Variants in ISM1 observed in about 807,000 individuals in gnomAD.
ISM1 encodes isthmin-1.
A neutral mutation model predicts 46.3 loss-of-function variants in ISM1; 25 were observed. That is an observed-to-expected ratio of 0.54 (90% CI 0.39 to 0.75). ISM1 has a LOEUF of 0.75. Among genes scored for constraint, ISM1 ranks in the 30% least tolerant of loss-of-function variants. The pLI is 0.00. For missense variants in ISM1, 536 were observed against 625.4 expected (o/e 0.86, Z 1.52); for synonymous variants, 255 against 256.7 (o/e 0.99, Z 0.06).
chr20:13,230,657 G>A (rs1427497348), intron 1 of ISM1, among the ~76,000 whole-genome samples: 1 of 151,656 alleles, frequency 6.6e-6, no homozygotes, highest in African/African-American at 2.4e-5. Context: ...CCAAAGACAG[G>A]AGATAATTTA....
rs2040208682 is a variant in ISM1, at chr20:13,278,875, C to T, written c.379-759C>T. 3.3e-5 allele frequency among the ~76,000 whole-genome samples: 5 copies of T among 152,200 alleles called. No individual in the cohort carries two copies. The South Asian group carries it at 1.0e-3, about 32-fold the overall frequency. On this transcript the variant is annotated intron_variant, in intron 2 of 5. Transcript: ENST00000262487. ...TGAGGGACCTTGGTTCTCCTCCATG[C>T]AGCCTCTCTCTTTACATGGTCTCTA...
chr20:13,305,664 A>G, the ISM1 span, among the ~76,000 whole-genome samples: 2 of 152,204 alleles, frequency 1.3e-5, no homozygotes. Flanking sequence ...ATTAAGGCAG[A>G]AAGTTTACAG....
the ISM1 span, among the ~76,000 whole-genome samples, chr20:13,313,050 A>AT: frequency 6.6e-6 from 1 of 152,048 alleles, no homozygotes; most frequent in Non-Finnish European, 1.5e-5. Flanking sequence ...GCTAAAAGGC[A>AT]TTTTTTCCTG....
the ISM1 span, among the ~76,000 whole-genome samples, chr20:13,309,534 A>G: frequency 1.3e-5 from 2 of 152,176 alleles, no homozygotes; most frequent in African/African-American, 4.8e-5. Flanking sequence ...CAAGATCAGG[A>G]ACAAGACAAG....
At chr20:13,239,811 G>C (rs947625002) in intron 1 of ISM1, 19 of 152,182 alleles carry the variant, frequency 1.2e-4, no homozygotes, top group Non-Finnish European at 1.5e-5. Context: ...AAAAGATTTG[G>C]CTAAGACCAT....
chr20:13,324,946 T>C, the ISM1 span, among the ~76,000 whole-genome samples: 1 of 152,230 alleles, frequency 6.6e-6, no homozygotes, highest in South Asian at 2.1e-4. Context: ...GATGACCACA[T>C]TTTAACACCA....
At chr20:13,309,856 A>G in the ISM1 span, among the ~76,000 whole-genome samples, 1 of 152,298 alleles carries the variant, frequency 6.6e-6, no homozygotes, top group Non-Finnish European at 1.5e-5. Context: ...AGCATCAAAA[A>G]AAACTAAGGA....
chr20:13,227,675 A>AT (rs1358360697), intron 1 of ISM1, among the ~76,000 whole-genome samples: 3 of 134,428 alleles, frequency 2.2e-5, no homozygotes, highest in Non-Finnish European at 4.8e-5. Flanking sequence ...TGCCTGGCTA[A>AT]TTTTTTGTAT....
intron 1 of ISM1, among the ~76,000 whole-genome samples, chr20:13,269,075 G>A (rs1041851592): frequency 1.3e-5 from 2 of 152,184 alleles, no homozygotes; most frequent in East Asian, 3.8e-4. Context: ...CTTTGGCTGG[G>A]TCAGAGGCAC....
intron 1 of ISM1, 140 bp downstream of exon 1, chr20:13,222,054 C>T: frequency 4.7e-6 from 4 of 854,274 alleles, no homozygotes; most frequent in Non-Finnish European, 6.3e-6. Flanking sequence ...GTAGTTTTGC[C>T]CGGGCCACTT....
chr20:13,269,260 G>T (rs1194694624), intron 1 of ISM1, among the ~76,000 whole-genome samples: 3 of 152,164 alleles, frequency 2.0e-5, no homozygotes, highest in Admixed American at 6.5e-5. Context: ...CTGAAGGCTG[G>T]AGTAAATCTT....
At chr20:13,221,938 C>A (rs752154932) in intron 1 of ISM1, 24 bp downstream of exon 1, 1 of 1,315,830 alleles carries the variant, frequency 7.6e-7, no homozygotes, top group East Asian at 3.1e-5. Flanking sequence ...CGGAGAGGGC[C>A]GTGCGCGGCT....
intron 2 of ISM1, among the ~76,000 whole-genome samples, chr20:13,276,958 TTGTTTTG>T (rs1211040103): frequency 6.6e-6 from 1 of 152,158 alleles, no homozygotes; most frequent in Admixed American, 6.5e-5. Flanking sequence ...CTAAGATTTG[TTGTTTTG>T]TGTTTTGTTT....
chr20:13,291,832 A>G (rs952811997), intron 4 of ISM1, among the ~76,000 whole-genome samples: 1 of 152,166 alleles, frequency 6.6e-6, no homozygotes, highest in African/African-American at 2.4e-5. Flanking sequence ...ACCACCTAAC[A>G]CTTCCCACTT....
intron 1 of ISM1, 69 bp downstream of exon 1, chr20:13,221,983 A>C: frequency 8.0e-7 from 1 of 1,256,020 alleles, no homozygotes; most frequent in Non-Finnish European, 1.0e-6. Context: ...GTGCTGAGCT[A>C]GTGCCGGGTG....
At chr20:13,323,164 C>T in the ISM1 span, among the ~76,000 whole-genome samples, 1 of 152,080 alleles carries the variant, frequency 6.6e-6, no homozygotes, top group African/African-American at 2.4e-5. Context: ...GAGCTACAGT[C>T]CCCAAATATT....
chr20:13,292,289 G>A, intron 4 of ISM1, 85 bp from the exon 5 acceptor site: 1 of 813,462 alleles, frequency 1.2e-6, no homozygotes, highest in Non-Finnish European at 2.0e-6. Flanking sequence ...GCTTTGTTCA[G>A]GTGTATTTAT....
chr20:13,232,838 T>A lies in ISM1; in HGVS notation c.138+10924T>A, dbSNP rs141738208. ...TTGGTTAAAATGTAAGTGTATGAAC[T>A]ACAGTATATTATGAAATACTGAAAG... On this transcript the variant is annotated intron_variant, in intron 1 of 5. Coordinates refer to ENST00000262487, the MANE Select transcript of ISM1 (RefSeq NM_080826.2). Among the ~76,000 whole-genome samples the A allele has an allele frequency of 4.2e-3, 647 of 152,342 alleles. 2 individuals are homozygous for A. The highest frequency in any genetic ancestry group is 0.015 in the African/African-American group (616 of 41,580).
chr20:13,310,288 T>C, the ISM1 span, among the ~76,000 whole-genome samples: 1 of 152,196 alleles, frequency 6.6e-6, no homozygotes, highest in African/African-American at 2.4e-5. Flanking sequence ...TGTGGTCAAC[T>C]GATCTTTGAC....
Sources: gnomAD v4.1 joint callset for allele counts (sites outside exome capture counted in the v4.1 genomes callset) on GRCh38, gnomAD v4.1.1 for gene constraint, MANE v1.5 for transcripts, NCBI Gene and HGNC (gene_info 2026-07-23, HGNC 2026-07-21) for gene names.